THEMIS: variants seen among roughly 807,000 people sequenced by gnomAD.
THEMIS encodes the protein thymocyte selection associated.
Under a neutral mutation model 52.6 loss-of-function variants are expected in THEMIS, and 37 were observed. The observed-to-expected ratio is 0.70, with a 90% CI of 0.54 to 0.93. The LOEUF (loss-of-function observed/expected upper bound fraction) is 0.93, where lower values mean the gene tolerates loss of function less well. Ranked by LOEUF, THEMIS falls within the 40% of genes least tolerant of loss-of-function variation. The probability of loss-of-function intolerance (pLI) is 0.00; values close to 1 mark genes in which losing one functional copy is unlikely to be tolerated. For missense variants in THEMIS, 808 were observed against 763.1 expected (o/e 1.06, Z -0.69); for synonymous variants, 292 against 272.7 (o/e 1.07, Z -0.70).
At chr6:127,883,934 T>C (rs760700017) in intron 1 of THEMIS, among the ~76,000 whole-genome samples, 2 of 152,122 alleles carry the variant, frequency 1.3e-5, no homozygotes, top group Non-Finnish European at 2.9e-5. Flanking sequence ...ATATATATTA[T>C]ATGTGCTTAC....
chr6:127,888,589 T>C (rs1419583536), intron 1 of THEMIS, among the ~76,000 whole-genome samples: 3 of 152,238 alleles, frequency 2.0e-5, no homozygotes, highest in African/African-American at 2.4e-5. Flanking sequence ...TTATGGGTAA[T>C]TATGCATTTC....
chr6:127,886,710 T>C (rs1780657731), intron 1 of THEMIS, among the ~76,000 whole-genome samples: 1 of 152,096 alleles, frequency 6.6e-6, no homozygotes, highest in South Asian at 2.1e-4. Flanking sequence ...TTTGTAAATG[T>C]TGTCACGCAT....
At chr6:127,859,011 C>A (rs543181132) in intron 1 of THEMIS, among the ~76,000 whole-genome samples, 2 of 152,054 alleles carry the variant, frequency 1.3e-5, no homozygotes, top group Non-Finnish European at 2.9e-5. Flanking sequence ...TCCATATAAG[C>A]AATGCTGTGA....
At chr6:127,727,467 A>C (rs556830767) in intron 4 of THEMIS, among the ~76,000 whole-genome samples, 41 of 152,312 alleles carry the variant, frequency 2.7e-4, no homozygotes, top group African/African-American at 8.7e-4. Context: ...TGCAGATGAC[A>C]GATGGGAACT....
chr6:127,840,042 A>G (rs1189704534), intron 2 of THEMIS, among the ~76,000 whole-genome samples: 6 of 152,170 alleles, frequency 3.9e-5, no homozygotes, highest in African/African-American at 1.4e-4. Context: ...GAGATGGGAA[A>G]GACAAACAGT....
rs11355741 is a variant in THEMIS, at chr6:127,832,777, C to CTTTTTTTTTTT, written c.251-2854_251-2844dup. On this transcript the variant is annotated intron_variant, in intron 2 of 5. Coordinates refer to ENST00000368248, the MANE Select transcript of THEMIS (RefSeq NM_001010923.3). Reference sequence around the variant, plus strand: ...CTATTTCCACCTAGGATTGTCAGATCTTTTTTTTTTTTTTTTTTTTTTTTG... The same window carrying CTTTTTTTTTTT: ...CTATTTCCACCTAGGATTGTCAGATCTTTTTTTTTTTTTTTTTTTTTTTTTTTTTTTTTTTG... 6.6e-3 allele frequency among the ~76,000 whole-genome samples: 383 copies of CTTTTTTTTTTT among 57,802 alleles called. 66 individuals are homozygous for CTTTTTTTTTTT. Among genetic ancestry groups the CTTTTTTTTTTT allele is most frequent in the Non-Finnish European group, 7.2e-3 (250 of 34,830 alleles). The allele number at this position is 57,802 out of a possible 152,430, so 37.9% of individuals were successfully genotyped here.
At chr6:127,894,391 A>G (rs1780901299) in intron 1 of THEMIS, among the ~76,000 whole-genome samples, 1 of 152,042 alleles carries the variant, frequency 6.6e-6, no homozygotes, top group East Asian at 1.9e-4. Flanking sequence ...ATAAAATCTT[A>G]TATGATCACT....
intron 1 of THEMIS, among the ~76,000 whole-genome samples, chr6:127,900,131 G>T (rs2114502688): frequency 6.6e-6 from 1 of 151,738 alleles, no homozygotes; most frequent in African/African-American, 2.4e-5. Flanking sequence ...ATTATTAATT[G>T]TATTCTATGT....
chr6:127,903,921 G>T (rs1400223831), upstream of THEMIS, among the ~76,000 whole-genome samples: 1 of 152,046 alleles, frequency 6.6e-6, no homozygotes, highest in African/African-American at 2.4e-5. Flanking sequence ...GCTGTTTTAA[G>T]AAACAAGAGA....
intron 4 of THEMIS, among the ~76,000 whole-genome samples, chr6:127,756,155 G>A (rs890384426): frequency 2.0e-4 from 31 of 152,270 alleles, no homozygotes; most frequent in African/African-American, 7.0e-4. Context: ...ATGCAAGTAA[G>A]TACTCATTTG....
Position 127,898,947 on chromosome 6 carries a change from A to G in THEMIS, c.91+1895T>C, listed in dbSNP as rs573154191. On this transcript the variant is annotated intron_variant, in intron 1 of 5. Transcript: ENST00000368248. ...TATCATGGAGATAGAGAGTAGAATGATGGCTACCAGGTGCTGGGAAGGGTA... is the reference window on the plus strand; with the variant it reads ...TATCATGGAGATAGAGAGTAGAATGGTGGCTACCAGGTGCTGGGAAGGGTA... 2.0e-5 allele frequency among the ~76,000 whole-genome samples: 3 copies of G among 151,976 alleles called. No individual in the cohort carries two copies. The South Asian group carries it at 6.2e-4, about 32-fold the overall frequency.
intron 2 of THEMIS, 113 bp downstream of exon 2, chr6:127,854,917 C>A: frequency 1.1e-6 from 1 of 873,670 alleles, no homozygotes; most frequent in Non-Finnish European, 1.6e-6. Context: ...ATTTTCCCCC[C>A]CATTATCCTA....
intron 4 of THEMIS, among the ~76,000 whole-genome samples, chr6:127,730,371 G>C (rs1235190747): frequency 1.4e-5 from 2 of 138,958 alleles, no homozygotes; most frequent in Non-Finnish European, 3.1e-5. Context: ...GAAGACAAGA[G>C]AAGAGAAAGA....
chr6:127,895,984 A>G (rs1163438815), intron 1 of THEMIS, among the ~76,000 whole-genome samples: 1 of 151,546 alleles, frequency 6.6e-6, no homozygotes, highest in Non-Finnish European at 1.5e-5. Flanking sequence ...AGTAAGCCAA[A>G]TTCAGTGAAA....
In THEMIS at chr6:127,773,015, C is replaced by T. The variant is rs573939900; in HGVS notation, c.1758+39868G>A. 9.2e-5 allele frequency among the ~76,000 whole-genome samples: 14 copies of T among 152,166 alleles called. No homozygotes were observed. In the South Asian group the frequency reaches 1.7e-3, roughly 18 times the overall value. ...TAAGTTCCAAAATGCAATGTCTGTA[C>T]GCATGTAAAGATATGCTGACTCAAA... is the stretch of plus-strand genomic sequence containing the variant. On this transcript the variant is annotated intron_variant, in intron 4 of 5. Coordinates refer to ENST00000368248, the MANE Select transcript of THEMIS (RefSeq NM_001010923.3).
chr6:127,818,262 G>C (rs1778204227), intron 3 of THEMIS, among the ~76,000 whole-genome samples: 1 of 152,076 alleles, frequency 6.6e-6, no homozygotes, highest in Admixed American at 6.5e-5. Context: ...AGAGACACAG[G>C]CTCACTAATA....
At chr6:127,787,177 A>AAGC (rs1776977477) in intron 4 of THEMIS, among the ~76,000 whole-genome samples, 2 of 152,278 alleles carry the variant, frequency 1.3e-5, no homozygotes, top group South Asian at 4.1e-4. Flanking sequence ...GGCAAACAGG[A>AAGC]AGCAAGATAT....
chr6:127,715,998 T>C (rs928114792), intron 5 of THEMIS, among the ~76,000 whole-genome samples: 6 of 151,900 alleles, frequency 3.9e-5, no homozygotes, highest in African/African-American at 1.4e-4. Context: ...TTTCATTTTC[T>C]AGCCCAGGGT....
intron 1 of THEMIS, among the ~76,000 whole-genome samples, chr6:127,878,807 G>C (rs72971879): frequency 0.074 from 11,212 of 152,202 alleles, 557 homozygotes; most frequent in Non-Finnish European, 0.11. Flanking sequence ...GAATAATTCT[G>C]CTTTGTCTTT....
Sources: gnomAD v4.1 joint callset for allele counts (sites outside exome capture counted in the v4.1 genomes callset) on GRCh38, gnomAD v4.1.1 for gene constraint, MANE v1.5 for transcripts, NCBI Gene and HGNC (gene_info 2026-07-23, HGNC 2026-07-21) for gene names.